Variants in MTMR3 observed in about 807,000 individuals in gnomAD.
MTMR3 encodes the protein myotubularin related protein 3.
Under a neutral mutation model 132.4 loss-of-function variants are expected in MTMR3, and 32 were observed. The observed-to-expected ratio is 0.24, with a 90% CI of 0.18 to 0.32. The LOEUF is 0.32. Ranked by LOEUF, MTMR3 falls within the 10% of genes least tolerant of loss-of-function variation. The pLI is 1.00. For missense variants in MTMR3, 1,216 were observed against 1,489.6 expected (o/e 0.82, Z 3.02); for synonymous variants, 556 against 550.3 (o/e 1.01, Z -0.14).
chr22:29,920,118 G>A (rs572227228), intron 1 of MTMR3, among the ~76,000 whole-genome samples: 1 of 151,748 alleles, frequency 6.6e-6, no homozygotes, highest in Non-Finnish European at 1.5e-5. Flanking sequence ...GGAGGCTGAG[G>A]CAGGAGAATC....
chr22:29,956,957 T>G (rs2066205306), intron 1 of MTMR3, 79 bp from the exon 2 acceptor site: 1 of 152,256 alleles, frequency 6.6e-6, no homozygotes. Flanking sequence ...TAGAGAAAGG[T>G]CTTGTGGGGA....
chr22:29,892,013 C>T (rs1289957637), intron 1 of MTMR3, among the ~76,000 whole-genome samples: 1 of 151,948 alleles, frequency 6.6e-6, no homozygotes, highest in Non-Finnish European at 1.5e-5. Flanking sequence ...ATTAGCCCAG[C>T]GTGGTGGCAC....
intron 1 of MTMR3, among the ~76,000 whole-genome samples, chr22:29,938,366 C>T (rs931426529): frequency 6.6e-5 from 10 of 152,204 alleles, no homozygotes; most frequent in African/African-American, 9.6e-5. Flanking sequence ...CATAAATCTC[C>T]GTACTTTCAC....
chr22:29,902,988 C>T (rs113463187), intron 1 of MTMR3, among the ~76,000 whole-genome samples: 5,661 of 152,144 alleles, frequency 0.037, 369 homozygotes, highest in African/African-American at 0.13. Flanking sequence ...TTTGGGAGGC[C>T]GAGGAGGGCA....
chr22:29,921,033 C>T (rs184386850), intron 1 of MTMR3, among the ~76,000 whole-genome samples: 2 of 151,954 alleles, frequency 1.3e-5, no homozygotes, highest in African/African-American at 4.8e-5. Flanking sequence ...TGATGGACAT[C>T]CTGTTAATAC....
intron 3 of MTMR3, among the ~76,000 whole-genome samples, chr22:29,976,338 G>C (rs536244266): frequency 5.9e-5 from 9 of 151,784 alleles, no homozygotes; most frequent in Non-Finnish European, 1.2e-4. Context: ...CCTGCCAAAT[G>C]TCCAAGTCTG....
chr22:29,927,037 T>A (rs962618112), intron 1 of MTMR3, among the ~76,000 whole-genome samples: 1 of 152,234 alleles, frequency 6.6e-6, no homozygotes, highest in African/African-American at 2.4e-5. Flanking sequence ...AGTTCTTATT[T>A]AATTCTTTGG....
At position 30,016,713 on chromosome 22, in the gene MTMR3, G is replaced by T. The variant is rs763159478; in HGVS notation, c.1674+15G>T. 1 of 1,603,624 alleles carries T rather than the reference G, an allele frequency of 6.2e-7. No individual in the cohort carries two copies. The highest frequency in any genetic ancestry group is 1.1e-5 in the South Asian group (1 of 89,532). On this transcript the variant is annotated intron_variant, in intron 15 of 19. Coordinates refer to ENST00000401950, the MANE Select transcript of MTMR3 (RefSeq NM_021090.4). ...AGTCAGAAGCCGTATGTATCCTTCAGCCTTTCCACTGTGGTCAGCAGAAGG... is the reference window on the plus strand; with the variant it reads ...AGTCAGAAGCCGTATGTATCCTTCATCCTTTCCACTGTGGTCAGCAGAAGG...
chr22:29,901,230 T>A (rs2064997684), intron 1 of MTMR3, among the ~76,000 whole-genome samples: 1 of 151,570 alleles, frequency 6.6e-6, no homozygotes, highest in Non-Finnish European at 1.5e-5. Flanking sequence ...ATGACTAGGA[T>A]GTAAGCACTA....
At chr22:29,907,509 C>T (rs933578427) in intron 1 of MTMR3, among the ~76,000 whole-genome samples, 4 of 151,628 alleles carry the variant, frequency 2.6e-5, no homozygotes, top group South Asian at 2.1e-4. Context: ...GTTGATGGAC[C>T]GTCAGAGAAT....
In MTMR3 at chr22:30,029,965, T is replaced by TA. The variant is rs564457687; in HGVS notation, c.*4167dup. The TA allele has an allele frequency of 6.6e-6, 1 of 152,306 alleles. No homozygotes were observed. Among genetic ancestry groups the TA allele is most frequent in the South Asian group, 2.1e-4 (1 of 4,824 alleles). 9.4% of individuals were successfully genotyped at this position (152,306 alleles called of 1,614,324 possible). ...CTGACCCCTCTAAGCCTCTGACACT[T>TA]AAACACGAGTCCTGCTGTCCCCAGC... is the stretch of plus-strand genomic sequence containing the variant. On this transcript the variant is annotated 3_prime_UTR_variant, in exon 20 of 20. Coordinates refer to ENST00000401950, the MANE Select transcript of MTMR3 (RefSeq NM_021090.4).
At chr22:30,007,800 T>G in intron 10 of MTMR3, 101 bp from the exon 11 acceptor site, 1 of 1,403,106 alleles carries the variant, frequency 7.1e-7, no homozygotes, top group South Asian at 1.4e-5. Flanking sequence ...TTCATTTTAT[T>G]GAGCCTTTTT....
At chr22:29,998,326 A>G (rs1206138578) in intron 7 of MTMR3, 1 of 152,440 alleles carries the variant, frequency 6.6e-6, no homozygotes, top group Non-Finnish European at 1.5e-5. Flanking sequence ...ATGTTACTTT[A>G]TTATTTATAC....
chr22:29,944,488 C>CG (rs2065917908), intron 1 of MTMR3, among the ~76,000 whole-genome samples: 2 of 152,068 alleles, frequency 1.3e-5, no homozygotes, highest in Admixed American at 1.3e-4. Flanking sequence ...TTCCTACCCC[C>CG]ACAAGAAGAC....
At chr22:29,949,509 C>CAAA (rs60108937) in intron 1 of MTMR3, among the ~76,000 whole-genome samples, 5 of 124,594 alleles carry the variant, frequency 4.0e-5, no homozygotes, top group African/African-American at 1.6e-4. Context: ...CGCCCCCCCC[C>CAAA]AAAAAAAAAA....
At chr22:29,967,193 T>TTGTGTGTGTGTGTG (rs10680622) in intron 2 of MTMR3, among the ~76,000 whole-genome samples, 2 of 141,958 alleles carry the variant, frequency 1.4e-5, no homozygotes, top group African/African-American at 2.7e-5. Context: ...TTCACCTCTG[T>TTGTGTGTGTGTGTG]TGTGTGTGTG....
At chr22:29,910,604 A>C (rs2065192279) in intron 1 of MTMR3, among the ~76,000 whole-genome samples, 1 of 152,158 alleles carries the variant, frequency 6.6e-6, no homozygotes, top group African/African-American at 2.4e-5. Flanking sequence ...CTCACACTTT[A>C]GTTTCAAATT....
At chr22:29,960,396 A>C (rs2066286881) in intron 2 of MTMR3, among the ~76,000 whole-genome samples, 1 of 152,208 alleles carries the variant, frequency 6.6e-6, no homozygotes, top group Non-Finnish European at 1.5e-5. Flanking sequence ...TACATACTGA[A>C]GTAGTAAGAA....
intron 1 of MTMR3, among the ~76,000 whole-genome samples, chr22:29,940,011 T>C (rs1353843272): frequency 6.6e-6 from 1 of 152,220 alleles, no homozygotes; most frequent in Non-Finnish European, 1.5e-5. Context: ...TTTGCGCCTG[T>C]AATCCCAGCA....
Sources: allele counts gnomAD v4.1 joint callset (sites outside exome capture counted in the v4.1 genomes callset), GRCh38; gene constraint gnomAD v4.1.1; transcripts MANE v1.5; gene names NCBI Gene and HGNC (gene_info 2026-07-23, HGNC 2026-07-21).